Variants in STK32B observed in about 807,000 individuals in gnomAD.
STK32B encodes the protein serine/threonine-protein kinase 32B.
In STK32B, 43 loss-of-function variants were observed where a neutral mutation model predicts 52.6. The ratio of observed to expected loss-of-function variants is 0.82; its 90% CI spans 0.64 to 1.05. The LOEUF is 1.05. Among genes scored for constraint, STK32B ranks in the 50% least tolerant of loss-of-function variants. The probability of loss-of-function intolerance (pLI) is 0.00; values close to 1 mark genes in which losing one functional copy is unlikely to be tolerated. For missense variants in STK32B, 621 were observed against 534.6 expected, an observed-to-expected ratio of 1.16 and a Z score of -1.59; for synonymous variants, 238 against 204.3, an observed-to-expected ratio of 1.17 and a Z score of -1.41.
chr4:5,251,732 T>A (rs912416378), intron 3 of STK32B, among the ~76,000 whole-genome samples: 1 of 152,238 alleles, frequency 6.6e-6, no homozygotes, highest in Non-Finnish European at 1.5e-5. Context: ...CCATTTGTTA[T>A]GTCATCTCTG....
intron 6 of STK32B, among the ~76,000 whole-genome samples, chr4:5,425,687 CTT>C (rs781704264): frequency 3.9e-5 from 6 of 152,154 alleles, no homozygotes; most frequent in South Asian, 2.1e-4. Flanking sequence ...AAAATGTACT[CTT>C]TTAGTGTATA....
chr4:5,389,208 G>C (rs944733116), intron 4 of STK32B, among the ~76,000 whole-genome samples: 2 of 152,186 alleles, frequency 1.3e-5, no homozygotes, highest in Admixed American at 6.5e-5. Context: ...TATCCTGGCT[G>C]TCCCACATAC....
At chr4:5,238,733 A>C (rs892885957) in intron 3 of STK32B, among the ~76,000 whole-genome samples, 2 of 152,182 alleles carry the variant, frequency 1.3e-5, no homozygotes, top group Non-Finnish European at 2.9e-5. Context: ...GGCCGTAATA[A>C]ATTTTTCATT....
chr4:5,461,849 G>C (rs1004814697), intron 9 of STK32B, among the ~76,000 whole-genome samples: 2 of 152,180 alleles, frequency 1.3e-5, no homozygotes, highest in Admixed American at 6.5e-5. Context: ...GAATCTGCCC[G>C]GCTGGAAGGC....
At chr4:5,124,376 A>G (rs1715236380) in intron 1 of STK32B, among the ~76,000 whole-genome samples, 1 of 152,214 alleles carries the variant, frequency 6.6e-6, no homozygotes, top group Non-Finnish European at 1.5e-5. Context: ...GTGGGTGGAC[A>G]TTCCCTTCTT....
At chr4:5,301,656 TTTTC>T (rs1360664788) in intron 3 of STK32B, among the ~76,000 whole-genome samples, 5 of 131,256 alleles carry the variant, frequency 3.8e-5, no homozygotes, top group South Asian at 2.2e-4. Flanking sequence ...TTTGAGTTTC[TTTTC>T]TTTCTTTTTT....
chr4:5,457,655 G>T (rs1231541376), intron 8 of STK32B, among the ~76,000 whole-genome samples: 2 of 151,324 alleles, frequency 1.3e-5, no homozygotes, highest in South Asian at 2.1e-4. Flanking sequence ...ATCACATGAG[G>T]TCAGGAGTTC....
Position 5,496,626 on chromosome 4 carries a change from A to G in STK32B, c.1107-2319A>G, listed in dbSNP as rs547012750. The stretch of plus-strand genomic sequence containing the variant: ...CGGTACCTCAGATGGAAATGCAGAA[A>G]TCACCCATCTTCTGCGTCGCTCACA... On this transcript the variant is annotated intron_variant, in intron 11 of 11. Coordinates refer to ENST00000282908, the MANE Select transcript of STK32B (RefSeq NM_018401.3). 7.8e-4 allele frequency among the ~76,000 whole-genome samples: 118 copies of G among 151,964 alleles called. 1 individual carries two copies. The highest frequency in any genetic ancestry group is 3.4e-3 in the Middle Eastern group (1 of 294).
chr4:5,080,500 C>T (rs900486742), intron 1 of STK32B, among the ~76,000 whole-genome samples: 13 of 151,938 alleles, frequency 8.6e-5, no homozygotes, highest in African/African-American at 3.1e-4. Flanking sequence ...TCAAGGAGTC[C>T]CTCTCTGGTC....
chr4:5,162,693 C>A (rs961758489), intron 2 of STK32B, among the ~76,000 whole-genome samples: 5 of 152,146 alleles, frequency 3.3e-5, no homozygotes, highest in Admixed American at 2.6e-4. Flanking sequence ...TGGCTTTGGC[C>A]AGATTGCTTG....
Position 5,467,291 on chromosome 4 carries a change from C to T in STK32B, c.1041+457C>T, listed in dbSNP as rs983253039. 6.6e-6 allele frequency among the ~76,000 whole-genome samples: 1 copy of T among 152,126 alleles called. No individual in the cohort carries two copies. Among genetic ancestry groups the T allele is most frequent in the African/African-American group, 2.4e-5 (1 of 41,436 alleles). On this transcript the variant is annotated intron_variant, in intron 10 of 11. Transcript: ENST00000282908. This position sits in a 1 kb window ranked among gnomAD's most constrained non-coding sequence, Gnocchi z 5.8. The stretch of plus-strand genomic sequence containing the variant: ...GCCAGAAATCCAAACTCAAGGTCTC[C>T]GCAGAGCCCAGCTCTCTCCAAAGGC...
intron 6 of STK32B, among the ~76,000 whole-genome samples, chr4:5,429,184 A>G (rs1228246317): frequency 6.6e-6 from 1 of 152,104 alleles, no homozygotes; most frequent in Non-Finnish European, 1.5e-5. Flanking sequence ...TTTCTAACCT[A>G]TCTCTTTGTC....
chr4:5,095,571 T>G (rs1043075056), intron 1 of STK32B, among the ~76,000 whole-genome samples: 2 of 152,184 alleles, frequency 1.3e-5, no homozygotes, highest in Non-Finnish European at 2.9e-5. Context: ...GCCGAGATCA[T>G]GCCACTGCAC....
chr4:5,447,658 A>G (rs1715585787), intron 7 of STK32B, among the ~76,000 whole-genome samples: 1 of 152,232 alleles, frequency 6.6e-6, no homozygotes, highest in Non-Finnish European at 1.5e-5. Flanking sequence ...TACTTTGACT[A>G]AAATTCATTT....
chr4:5,274,367 A>T (rs1407662823), intron 3 of STK32B, among the ~76,000 whole-genome samples: 1 of 152,150 alleles, frequency 6.6e-6, no homozygotes, highest in Non-Finnish European at 1.5e-5. Context: ...TGCCCTCATG[A>T]AGCTGCCCTT....
At chr4:5,302,209 T>TAA (rs202157359) in intron 3 of STK32B, among the ~76,000 whole-genome samples, 2,171 of 138,724 alleles carry the variant, frequency 0.016, 38 homozygotes, top group East Asian at 0.046. Context: ...ACAAAAATTG[T>TAA]AAAAAAAAAA....
chr4:5,369,953 G>A (rs1424025455), intron 4 of STK32B, among the ~76,000 whole-genome samples: 1 of 151,560 alleles, frequency 6.6e-6, no homozygotes, highest in Non-Finnish European at 1.5e-5. Context: ...TCTGCTCACT[G>A]CAAGCTCCGC....
intron 1 of STK32B, among the ~76,000 whole-genome samples, chr4:5,080,431 A>G (rs1440555031): frequency 6.6e-6 from 1 of 152,150 alleles, no homozygotes; most frequent in Non-Finnish European, 1.5e-5. Context: ...TCTTTCCCAG[A>G]TACTTGCATG....
At chr4:5,263,730 G>A (rs1447732037) in intron 3 of STK32B, among the ~76,000 whole-genome samples, 1 of 152,144 alleles carries the variant, frequency 6.6e-6, no homozygotes, top group East Asian at 1.9e-4. Context: ...TTTTGAGAAA[G>A]GACCAGTTTT....
Sources: allele counts gnomAD v4.1 joint callset (sites outside exome capture counted in the v4.1 genomes callset), GRCh38; gene constraint gnomAD v4.1.1; non-coding constraint Gnocchi (gnomAD v3.1); transcripts MANE v1.5; gene names NCBI Gene and HGNC (gene_info 2026-07-23, HGNC 2026-07-21).